MAGI1: variants seen among roughly 807,000 people sequenced by gnomAD.
The protein encoded by MAGI1 is membrane associated guanylate kinase, WW and PDZ domain containing 1.
MAGI1 carries 58 observed loss-of-function variants against 139.9 expected under a neutral mutation model. The ratio of observed to expected loss-of-function variants is 0.41; its 90% confidence interval spans 0.34 to 0.52. The LOEUF (loss-of-function observed/expected upper bound fraction) is 0.52, where lower values mean the gene tolerates loss of function less well. MAGI1 is among the 20% of genes least tolerant of loss of function. MAGI1 has a pLI of 0.12. For missense variants in MAGI1, 1,874 were observed against 1,901.6 expected (o/e 0.99, Z 0.27); for synonymous variants, 812 against 737.9 (o/e 1.10, Z -1.63).
At chr3:65,357,318 T>A (rs1483994780) in intron 22 of MAGI1, among the ~76,000 whole-genome samples, 186 bp from the exon 23 acceptor site, 2 of 152,328 alleles carry the variant, frequency 1.3e-5, no homozygotes, top group East Asian at 3.9e-4. Context: ...TAAAAACTAG[T>A]ACTTGTGGCT....
At chr3:65,717,974 A>T (rs755618341) in intron 1 of MAGI1, among the ~76,000 whole-genome samples, 1 of 152,166 alleles carries the variant, frequency 6.6e-6, no homozygotes, top group Non-Finnish European at 1.5e-5. Flanking sequence ...AGCTTCTACT[A>T]CCATGGTAGA....
chr3:65,925,973 T>C (rs2062482102), intron 1 of MAGI1, among the ~76,000 whole-genome samples: 1 of 152,206 alleles, frequency 6.6e-6, no homozygotes, highest in African/African-American at 2.4e-5. Context: ...CCACTGCACC[T>C]GGCCATATGT....
At chr3:65,600,391 C>A (rs1452140148) in intron 2 of MAGI1, among the ~76,000 whole-genome samples, 1 of 152,162 alleles carries the variant, frequency 6.6e-6, no homozygotes, top group African/African-American at 2.4e-5. Flanking sequence ...TCAATCAGAG[C>A]TCCAAAGACC....
intron 1 of MAGI1, among the ~76,000 whole-genome samples, chr3:65,923,970 A>G (rs771974404): frequency 1.3e-5 from 2 of 152,232 alleles, no homozygotes; most frequent in Non-Finnish European, 2.9e-5. Flanking sequence ...GAAAATAATT[A>G]AAGTGTTTTT....
chr3:65,429,417 T>C (rs1455854790), intron 12 of MAGI1, 103 bp downstream of exon 12: 26 of 1,213,770 alleles, frequency 2.1e-5, no homozygotes, highest in Non-Finnish European at 2.7e-5. Context: ...TTGAAACATT[T>C]AAATAAATTT....
intron 8 of MAGI1, among the ~76,000 whole-genome samples, chr3:65,440,821 G>GTA (rs1269407729): frequency 1.4e-5 from 2 of 139,864 alleles, no homozygotes; most frequent in African/African-American, 5.3e-5. Flanking sequence ...ATGTATATGT[G>GTA]TACATGTATA....
At chr3:65,493,486 T>C in intron 3 of MAGI1, 26 bp downstream of exon 3, 2 of 1,614,056 alleles carry the variant, frequency 1.2e-6, no homozygotes, top group Non-Finnish European at 1.7e-6. Flanking sequence ...AGAGAAGCTT[T>C]TTATGCTGTC....
Position 65,860,696 on chromosome 3 carries a change from C to T in MAGI1, c.313+177300G>A, listed in dbSNP as rs530096843. Reference sequence around the variant, plus strand: ...GCAGCCAGTGCTGCTGAACAGATTCCATGGGGGAGAAAGGCAGGATGCGTG... The same window carrying T: ...GCAGCCAGTGCTGCTGAACAGATTCTATGGGGGAGAAAGGCAGGATGCGTG... On this transcript the variant is annotated intron_variant, in intron 1 of 22. Transcript: ENST00000402939. Among the ~76,000 whole-genome samples the T allele has an allele frequency of 6.6e-5, 10 of 152,248 alleles. No individual in the cohort carries two copies. In the East Asian group the frequency reaches 1.9e-3, roughly 29 times the overall value.
Position 65,379,313 on chromosome 3 carries a change from G to A in MAGI1, c.2943C>T (p.Phe981=), listed in dbSNP as rs370394890. ...VEIRRGENEG[F]GFVIVSSVSR... is the part of the protein sequence containing the mutation. ...TCACCGAGGACACGATGACGAAGCC[G>A]AAGCCCTCGTTCTCCCCGCGCCGGA... Residue 981 remains phenylalanine, a synonymous_variant, in exon 17 of 23, where the codon TTC becomes TTT. Transcript: ENST00000402939. 6 of 1,613,284 alleles carry A rather than the reference G, an allele frequency of 3.7e-6. No homozygotes were observed. Among genetic ancestry groups the A allele is most frequent in the East Asian group, 4.5e-5 (2 of 44,812 alleles).
At chr3:65,587,087 T>G (rs2081719835) in intron 2 of MAGI1, among the ~76,000 whole-genome samples, 1 of 152,166 alleles carries the variant, frequency 6.6e-6, no homozygotes, top group East Asian at 1.9e-4. Context: ...TGAAGCTCAT[T>G]TGAAATCTTT....
intron 6 of MAGI1, 54 bp from the exon 7 acceptor site, chr3:65,448,111 G>C: frequency 1.3e-6 from 2 of 1,519,136 alleles, no homozygotes; most frequent in Non-Finnish European, 1.8e-6. Flanking sequence ...GCAAAATTCA[G>C]ACACCAGCAC....
At chr3:65,963,566 A>G (rs2064575011) in intron 1 of MAGI1, among the ~76,000 whole-genome samples, 1 of 152,192 alleles carries the variant, frequency 6.6e-6, no homozygotes, top group Non-Finnish European at 1.5e-5. Context: ...TAGTGAGCCA[A>G]GATCGCGCCA....
At chr3:65,419,515 C>A (rs987815785) in intron 12 of MAGI1, among the ~76,000 whole-genome samples, 4 of 152,128 alleles carry the variant, frequency 2.6e-5, no homozygotes, top group African/African-American at 4.8e-5. Flanking sequence ...CTCATAAATG[C>A]GTATTTTTCC....
chr3:65,432,342 A>G (rs1178218551), intron 10 of MAGI1, among the ~76,000 whole-genome samples: 1 of 152,126 alleles, frequency 6.6e-6, no homozygotes, highest in Admixed American at 6.5e-5. Flanking sequence ...GAGAGAGAGA[A>G]AGAGGGAGAC....
intron 2 of MAGI1, among the ~76,000 whole-genome samples, chr3:65,620,187 G>A (rs1203898568): frequency 2.0e-5 from 3 of 152,256 alleles, no homozygotes; most frequent in African/African-American, 4.8e-5. Context: ...AATCTAAGTA[G>A]GGGAAAAATT....
At chr3:65,550,342 T>A (rs909372038) in intron 2 of MAGI1, among the ~76,000 whole-genome samples, 2 of 152,158 alleles carry the variant, frequency 1.3e-5, no homozygotes, top group African/African-American at 4.8e-5. Context: ...AAGTTCAAAG[T>A]CCTGGATCTT....
chr3:65,816,031 G>A (rs968658543), intron 1 of MAGI1, among the ~76,000 whole-genome samples: 1 of 152,144 alleles, frequency 6.6e-6, no homozygotes, highest in Non-Finnish European at 1.5e-5. Flanking sequence ...TGTCTACAAT[G>A]GTAGTTGTGA....
chr3:65,628,308 G>A lies in MAGI1; in HGVS notation c.314-6220C>T, dbSNP rs116273595. On this transcript the variant is annotated intron_variant, in intron 1 of 22. Transcript: ENST00000402939. ...GATGATTCACTAGGAAGATTCGGAG[G>A]ACTCGTTATATAGTTGTACTCATGG... Among the ~76,000 whole-genome samples, 833 of 152,124 alleles carry A rather than the reference G, an allele frequency of 5.5e-3. 10 individuals carry two copies. Among genetic ancestry groups the A allele is most frequent in the African/African-American group, 0.019 (805 of 41,490 alleles).
rs553644578 is a variant in MAGI1 at position 65,465,852 on chromosome 3, T to C, written c.959+4431A>G. 3.3e-5 allele frequency among the ~76,000 whole-genome samples: 5 copies of C among 152,326 alleles called. No individual in the cohort carries two copies. In the South Asian group the frequency reaches 1.0e-3, roughly 32 times the overall value. On this transcript the variant is annotated intron_variant, in intron 5 of 22. Coordinates refer to ENST00000402939, the MANE Select transcript of MAGI1 (RefSeq NM_001033057.2). The stretch of plus-strand genomic sequence containing the variant: ...CTATTCCCCTGGGACTCCAATGAAA[T>C]AAATGTTAGATCTTTTGTTACTGTT...
Sources: allele counts gnomAD v4.1 joint callset (sites outside exome capture counted in the v4.1 genomes callset), GRCh38; gene constraint gnomAD v4.1.1; transcripts MANE v1.5; gene names NCBI Gene and HGNC (gene_info 2026-07-23, HGNC 2026-07-21).